Variants in SEMA6D observed in about 807,000 individuals in gnomAD.
SEMA6D encodes semaphorin-6D.
In SEMA6D, 35 loss-of-function variants were observed where a neutral mutation model predicts 106.6. The observed-to-expected ratio is 0.33, with a 90% CI of 0.25 to 0.44. The LOEUF is 0.44. SEMA6D is among the 20% of genes least tolerant of loss of function. The pLI is 1.00. For missense variants in SEMA6D, 1,185 were observed against 1,345.9 expected, an observed-to-expected ratio of 0.88 and a Z score of 1.87; for synonymous variants, 499 against 487.7, an observed-to-expected ratio of 1.02 and a Z score of -0.31.
At chr15:47,336,693 G>C (rs1273624860) in intron 1 of SEMA6D, among the ~76,000 whole-genome samples, 1 of 152,120 alleles carries the variant, frequency 6.6e-6, no homozygotes, top group Non-Finnish European at 1.5e-5. Flanking sequence ...GTGCTACCTG[G>C]AGGATGGAAG....
chr15:47,668,897 T>G (rs916526047), intron 4 of SEMA6D, among the ~76,000 whole-genome samples: 1 of 152,184 alleles, frequency 6.6e-6, no homozygotes, highest in Non-Finnish European at 1.5e-5. Flanking sequence ...GGAAATAAAT[T>G]ACCGCAGTGC....
chr15:47,357,568 G>C (rs2038635222), intron 1 of SEMA6D, among the ~76,000 whole-genome samples: 1 of 152,102 alleles, frequency 6.6e-6, no homozygotes, highest in African/African-American at 2.4e-5. Flanking sequence ...TCGAGGGCAG[G>C]AAACATCCAG....
chr15:47,447,372 G>GA (rs1398149595), intron 2 of SEMA6D, among the ~76,000 whole-genome samples: 1 of 152,096 alleles, frequency 6.6e-6, no homozygotes, highest in East Asian at 1.9e-4. Context: ...AAGAGGGGCT[G>GA]AAGGTTGAGT....
At chr15:47,284,042 C>T (rs915322993) in intron 1 of SEMA6D, among the ~76,000 whole-genome samples, 2 of 152,064 alleles carry the variant, frequency 1.3e-5, no homozygotes, top group African/African-American at 4.8e-5. Context: ...CTTGAAGAGC[C>T]GAGATCCTAG....
intron 2 of SEMA6D, chr15:47,470,447 T>C (rs1057211661): frequency 6.6e-6 from 1 of 150,560 alleles, no homozygotes; most frequent in Non-Finnish European, 1.5e-5. Context: ...AATATATTTT[T>C]GTTCTTTTTT....
At chr15:47,536,491 G>A (rs1596267739) in intron 3 of SEMA6D, among the ~76,000 whole-genome samples, 1 of 152,184 alleles carries the variant, frequency 6.6e-6, no homozygotes, top group South Asian at 2.1e-4. Flanking sequence ...TCGTCAGATT[G>A]TACCATTGGC....
chr15:47,265,596 C>T (rs1024151299), intron 1 of SEMA6D, among the ~76,000 whole-genome samples: 1 of 151,948 alleles, frequency 6.6e-6, no homozygotes, highest in Non-Finnish European at 1.5e-5. Flanking sequence ...TGTTTACTCT[C>T]ATGGGAAGTT....
intron 3 of SEMA6D, among the ~76,000 whole-genome samples, chr15:47,554,566 T>A (rs1371353764): frequency 6.6e-6 from 1 of 152,184 alleles, no homozygotes; most frequent in Non-Finnish European, 1.5e-5. Context: ...CAGTTTTCCT[T>A]TCCCAAGAGA....
intron 1 of SEMA6D, among the ~76,000 whole-genome samples, chr15:47,354,176 CCTCTCT>C (rs879283418): frequency 5.5e-4 from 47 of 85,392 alleles, no homozygotes; most frequent in African/African-American, 1.2e-3. Flanking sequence ...AATGAGAAAG[CCTCTCT>C]CTCTCTCTCT....
chr15:47,226,573 C>T (rs1444323798), intron 1 of SEMA6D, among the ~76,000 whole-genome samples: 2 of 152,050 alleles, frequency 1.3e-5, no homozygotes, highest in African/African-American at 4.8e-5. Flanking sequence ...AACTATCTTT[C>T]TGCTTTTCAA....
chr15:47,192,471 T>A (rs994841586), intron 1 of SEMA6D, among the ~76,000 whole-genome samples: 12 of 152,156 alleles, frequency 7.9e-5, no homozygotes, highest in African/African-American at 2.9e-4. Context: ...ATAATCTGGG[T>A]TTCAGTCAAA....
chr15:47,629,056 A>G (rs1464310158), intron 4 of SEMA6D, among the ~76,000 whole-genome samples: 1 of 152,022 alleles, frequency 6.6e-6, no homozygotes, highest in South Asian at 2.1e-4. Context: ...ATGTGGGTCT[A>G]TTTTTAAGTT....
At chr15:47,234,697 T>A (rs1347894071) in intron 1 of SEMA6D, among the ~76,000 whole-genome samples, 2 of 152,018 alleles carry the variant, frequency 1.3e-5, no homozygotes. Flanking sequence ...TTGTGGCTGA[T>A]TAGTATTCCA....
chr15:47,425,432 G>A (rs1319029785), intron 2 of SEMA6D, among the ~76,000 whole-genome samples: 2 of 151,870 alleles, frequency 1.3e-5, no homozygotes, highest in African/African-American at 2.4e-5. Context: ...GCAAGCCAAA[G>A]CACCATACTT....
At chr15:47,727,470 C>T (rs2079831813) in intron 1 of SEMA6D, among the ~76,000 whole-genome samples, 1 of 152,174 alleles carries the variant, frequency 6.6e-6, no homozygotes. Context: ...TGGCATCTTG[C>T]TAAAATGCAG....
chr15:47,319,546 C>G (rs192450153), intron 1 of SEMA6D, among the ~76,000 whole-genome samples: 200 of 152,084 alleles, frequency 1.3e-3, no homozygotes, highest in African/African-American at 4.6e-3. Flanking sequence ...TTTCTCCCCC[C>G]ACCCCAGGGA....
chr15:47,279,456 A>G (rs1245958075), intron 1 of SEMA6D, among the ~76,000 whole-genome samples: 1 of 147,798 alleles, frequency 6.8e-6, no homozygotes, highest in Non-Finnish European at 1.5e-5. Context: ...TAGATATACA[A>G]TCATGTCGTC....
chr15:47,768,090 C>A (rs1479019430), intron 17 of SEMA6D, among the ~76,000 whole-genome samples: 2 of 152,142 alleles, frequency 1.3e-5, no homozygotes, highest in African/African-American at 4.8e-5. Flanking sequence ...TTAGGCAGAG[C>A]TGGTTTGTCA....
intron 1 of SEMA6D, among the ~76,000 whole-genome samples, chr15:47,372,175 A>G (rs2039296733): frequency 6.6e-6 from 1 of 152,210 alleles, no homozygotes; most frequent in Admixed American, 6.5e-5. Context: ...CTCTTGCTTC[A>G]GATGGCACCC....
Sources: gnomAD v4.1 joint callset for allele counts (sites outside exome capture counted in the v4.1 genomes callset) on GRCh38, gnomAD v4.1.1 for gene constraint, MANE v1.5 for transcripts, NCBI Gene and HGNC (gene_info 2026-07-23, HGNC 2026-07-21) for gene names.